IMMP2L: variants seen among roughly 807,000 people sequenced by gnomAD.
The protein encoded by IMMP2L is inner mitochondrial membrane peptidase subunit 2.
In IMMP2L, 18 loss-of-function variants were observed where a neutral mutation model predicts 19.3. The ratio of observed to expected loss-of-function variants is 0.93; its 90% CI spans 0.64 to 1.38. The LOEUF (loss-of-function observed/expected upper bound fraction) is 1.38. IMMP2L is among the 40% of genes most tolerant of loss of function. IMMP2L has a pLI of 0.00. For synonymous variants in IMMP2L, 76 were observed against 73.0 expected (o/e 1.04, Z -0.21); for missense variants, 233 against 218.2 (o/e 1.07, Z -0.43).
intron 3 of IMMP2L, among the ~76,000 whole-genome samples, chr7:111,151,408 A>T (rs1475360675): frequency 1.3e-5 from 2 of 152,166 alleles, no homozygotes; most frequent in African/African-American, 4.8e-5. Flanking sequence ...AGCAAAATTA[A>T]CCTGGTTTCT....
In IMMP2L at chr7:111,504,319, A is replaced by G. The variant is rs1279652185; in HGVS notation, c.136-16978T>C. Among the ~76,000 whole-genome samples the G allele has an allele frequency of 2.0e-5, 3 of 152,194 alleles. No individual in the cohort carries two copies. In the East Asian group the frequency reaches 5.8e-4, roughly 29 times the overall value. The stretch of plus-strand genomic sequence containing the variant: ...ACAAACCACTGCTCAATGAAATAAA[A>G]GAGGATATAAACAAATGGAAGGGCA... On this transcript the variant is annotated intron_variant, in intron 2 of 5. Transcript: ENST00000405709.
intron 5 of IMMP2L, among the ~76,000 whole-genome samples, chr7:110,691,243 T>G (rs1209810969): frequency 6.6e-6 from 1 of 152,208 alleles, no homozygotes; most frequent in African/African-American, 2.4e-5. Context: ...TCATAAGTGG[T>G]GCTAAGAAAA....
chr7:111,496,186 C>T (rs1053510748), intron 2 of IMMP2L, among the ~76,000 whole-genome samples: 14 of 152,072 alleles, frequency 9.2e-5, no homozygotes, highest in African/African-American at 2.7e-4. Flanking sequence ...TCTACAATGC[C>T]GTCTTTCTTC....
intron 1 of IMMP2L, among the ~76,000 whole-genome samples, chr7:111,538,816 T>TAA (rs768599585): frequency 1.9e-3 from 155 of 82,392 alleles, no homozygotes; most frequent in African/African-American, 6.2e-3. Context: ...CTGGCTCATT[T>TAA]AAAAAAAAAA....
chr7:110,719,547 C>T (rs1795443082), intron 5 of IMMP2L, among the ~76,000 whole-genome samples: 1 of 152,056 alleles, frequency 6.6e-6, no homozygotes, highest in African/African-American at 2.4e-5. Context: ...CAAAATATAT[C>T]CTAATATTTT....
chr7:110,821,570 A>G (rs1325363713), intron 5 of IMMP2L, among the ~76,000 whole-genome samples: 1 of 152,072 alleles, frequency 6.6e-6, no homozygotes, highest in Non-Finnish European at 1.5e-5. Flanking sequence ...CTAGACATTT[A>G]TGATATGTCA....
intron 3 of IMMP2L, among the ~76,000 whole-genome samples, chr7:111,318,613 C>G (rs1824355107): frequency 6.6e-6 from 1 of 152,022 alleles, no homozygotes; most frequent in African/African-American, 2.4e-5. Context: ...AATTGATTTT[C>G]TAGTTCTGAG....
chr7:110,705,384 T>C (rs1420655631), intron 5 of IMMP2L, among the ~76,000 whole-genome samples: 1 of 152,152 alleles, frequency 6.6e-6, no homozygotes, highest in African/African-American at 2.4e-5. Context: ...CTTTCCTTAT[T>C]TACTATGAAA....
intron 3 of IMMP2L, among the ~76,000 whole-genome samples, chr7:111,069,460 C>T (rs2129575202): frequency 6.6e-6 from 1 of 152,262 alleles, no homozygotes; most frequent in East Asian, 1.9e-4. Flanking sequence ...TAGAAACTTA[C>T]AGTGGGTACT....
At chr7:111,256,439 TTTC>T (rs1305383968) in intron 3 of IMMP2L, among the ~76,000 whole-genome samples, 3 of 152,068 alleles carry the variant, frequency 2.0e-5, no homozygotes, top group African/African-American at 4.8e-5. Flanking sequence ...TACATGTCAT[TTTC>T]TTCTTCTAAT....
chr7:111,033,892 T>C (rs1189635240), intron 3 of IMMP2L, among the ~76,000 whole-genome samples: 3 of 152,158 alleles, frequency 2.0e-5, no homozygotes, highest in Non-Finnish European at 4.4e-5. Flanking sequence ...TAAATAGTGG[T>C]AATATCCATA....
intron 3 of IMMP2L, among the ~76,000 whole-genome samples, chr7:111,446,553 C>T (rs1471047928): frequency 6.6e-6 from 1 of 151,494 alleles, no homozygotes; most frequent in Non-Finnish European, 1.5e-5. Context: ...GAAAACCCAT[C>T]TGTACATCAC....
chr7:110,895,370 T>C (rs1191978767), intron 4 of IMMP2L, among the ~76,000 whole-genome samples: 3 of 152,178 alleles, frequency 2.0e-5, no homozygotes, highest in Admixed American at 2.0e-4. Flanking sequence ...AGTCTTTTTC[T>C]AGACTCTATT....
intron 3 of IMMP2L, among the ~76,000 whole-genome samples, chr7:111,402,127 A>C (rs1833475646): frequency 2.1e-4 from 1 of 4,776 alleles, no homozygotes; most frequent in African/African-American, 1.3e-3. Flanking sequence ...TCTCAAAAAT[A>C]ATAATAATAA....
intron 3 of IMMP2L, among the ~76,000 whole-genome samples, chr7:111,269,137 G>A (rs1818174440): frequency 6.6e-6 from 1 of 152,108 alleles, no homozygotes; most frequent in Non-Finnish European, 1.5e-5. Flanking sequence ...ACAGGGCACT[G>A]GCAGGGCAGA....
Position 111,123,495 on chromosome 7 carries a change from C to T in IMMP2L, c.240-159930G>A. On this transcript the variant is annotated intron_variant, in intron 3 of 5. Coordinates refer to ENST00000405709, the MANE Select transcript of IMMP2L (RefSeq NM_032549.4). This position sits in a 1 kb window ranked among gnomAD's most constrained non-coding sequence, Gnocchi z 6.4. ...TTGGACTGGAAAACTTAGAAAGCATCTCTTTTTACGATAACAGGCTTATTA... is the reference window on the plus strand; with the variant it reads ...TTGGACTGGAAAACTTAGAAAGCATTTCTTTTTACGATAACAGGCTTATTA... 5 of 1,613,828 alleles carry T rather than the reference C, an allele frequency of 3.1e-6. No homozygotes were observed. The highest frequency in any genetic ancestry group is 4.2e-6 in the Non-Finnish European group (5 of 1,179,920).
chr7:110,774,341 C>A (rs1403186161), intron 5 of IMMP2L, among the ~76,000 whole-genome samples: 1 of 151,968 alleles, frequency 6.6e-6, no homozygotes. Context: ...ATGGAAAAGG[C>A]AAAGTTAGTA....
At chr7:111,057,995 G>T (rs979815537) in intron 3 of IMMP2L, among the ~76,000 whole-genome samples, 3 of 152,048 alleles carry the variant, frequency 2.0e-5, no homozygotes, top group Non-Finnish European at 2.9e-5. Context: ...TCCACATTTT[G>T]TTCTTTAGGA....
intron 5 of IMMP2L, among the ~76,000 whole-genome samples, chr7:110,682,880 C>G (rs1226311743): frequency 6.6e-6 from 1 of 152,080 alleles, no homozygotes; most frequent in Non-Finnish European, 1.5e-5. Flanking sequence ...GGGAACACAG[C>G]ATTTCGGAGG....
Sources: gnomAD v4.1 joint callset for allele counts (sites outside exome capture counted in the v4.1 genomes callset) on GRCh38, gnomAD v4.1.1 for gene constraint, Gnocchi (gnomAD v3.1) non-coding constraint, MANE v1.5 for transcripts, NCBI Gene and HGNC (gene_info 2026-07-23, HGNC 2026-07-21) for gene names.